The following ARSG variants were observed in gnomAD, a reference collection of about 807,000 sequenced individuals.
ARSG encodes the protein ASG.
ARSG carries 37 observed loss-of-function variants against 50.5 expected under a neutral mutation model. The ratio of observed to expected loss-of-function variants is 0.73; its 90% CI spans 0.56 to 0.96. The LOEUF (loss-of-function observed/expected upper bound fraction) is 0.96. Among genes scored for constraint, ARSG ranks in the 50% least tolerant of loss-of-function variants. ARSG has a pLI of 0.00. For synonymous variants in ARSG, 225 were observed against 254.6 expected (o/e 0.88, Z 1.11); for missense variants, 629 against 675.3 (o/e 0.93, Z 0.76).
chr17:68,437,024 G>A, the ARSG span, among the ~76,000 whole-genome samples: 5 of 142,798 alleles, frequency 3.5e-5, no homozygotes, highest in African/African-American at 1.3e-4. Context: ...ATATGTGTGT[G>A]TGTGTGTGTG....
chr17:68,266,879 GTC>G (rs1262609785), intron 1 of ARSG: 1 of 152,074 alleles, frequency 6.6e-6, no homozygotes, highest in African/African-American at 2.4e-5. Flanking sequence ...AACTTTATGT[GTC>G]TCTAGTAGAG....
chr17:68,349,875 C>G (rs1344235535), intron 4 of ARSG, among the ~76,000 whole-genome samples: 1 of 152,112 alleles, frequency 6.6e-6, no homozygotes, highest in Non-Finnish European at 1.5e-5. Flanking sequence ...GACTGAGACT[C>G]CGTCTCAAAA....
At chr17:68,350,734 G>A (rs995688620) in intron 4 of ARSG, among the ~76,000 whole-genome samples, 9 of 152,138 alleles carry the variant, frequency 5.9e-5, no homozygotes, top group African/African-American at 1.2e-4. Flanking sequence ...GCATTGAGCC[G>A]AGATTTCCCC....
chr17:68,441,548 T>C, the ARSG span, among the ~76,000 whole-genome samples: 7 of 152,228 alleles, frequency 4.6e-5, no homozygotes, highest in Middle Eastern at 0.01. Context: ...CTCTGGGGAA[T>C]GTATAATTGG....
intron 1 of ARSG, chr17:68,272,767 C>T (rs782042539): frequency 3.7e-6 from 6 of 1,613,666 alleles, no homozygotes; most frequent in Non-Finnish European, 8.5e-7. Flanking sequence ...GTATCCCAGA[C>T]CTGTGAAAGA....
chr17:68,446,903 G>A, the ARSG span, among the ~76,000 whole-genome samples: 1 of 152,170 alleles, frequency 6.6e-6, no homozygotes, highest in African/African-American at 2.4e-5. Flanking sequence ...ACTAAACGCA[G>A]AGGGAAACAG....
intron 6 of ARSG, among the ~76,000 whole-genome samples, chr17:68,359,204 C>T (rs2079173661): frequency 6.6e-6 from 1 of 152,118 alleles, no homozygotes; most frequent in Non-Finnish European, 1.5e-5. Flanking sequence ...TACCCCAAAA[C>T]CCAAAAAACA....
chr17:68,343,716 G>A lies in ARSG; in HGVS notation c.331G>A (p.Val111Met), dbSNP rs761490671. The A allele has an allele frequency of 2.5e-5, 41 of 1,614,222 alleles. No homozygotes were observed. The highest frequency in any genetic ancestry group is 3.5e-5 in the Non-Finnish European group (41 of 1,180,032). Residue 111 changes from valine (V) to methionine (M), a missense_variant, in exon 3 of 12, where the codon GTG (valine) becomes ATG (methionine). Transcript: ENST00000621439. ...CACACGCAACTTTGCAGTCACTTCT[G>A]TGGGAGGCCTTCCGCTCAACGAGAC... is the stretch of plus-strand genomic sequence containing the variant. Reference protein sequence around the residue: ...GVTRNFAVTSVGGLPLNETTL... With the variant: ...GVTRNFAVTSMGGLPLNETTL...
At chr17:68,260,063 T>G (rs1389117046) in intron 1 of ARSG, among the ~76,000 whole-genome samples, 9 of 152,192 alleles carry the variant, frequency 5.9e-5, no homozygotes, top group Non-Finnish European at 1.3e-4. Context: ...TTGCAGCTTG[T>G]TTTTTACCCT....
chr17:68,346,589 C>T (rs948768548), intron 3 of ARSG, among the ~76,000 whole-genome samples: 2 of 152,190 alleles, frequency 1.3e-5, no homozygotes, highest in African/African-American at 4.8e-5. Flanking sequence ...AGCGCATTTG[C>T]AGACCGAGGA....
chr17:68,352,789 C>T (rs530286691), intron 5 of ARSG, among the ~76,000 whole-genome samples: 3 of 152,186 alleles, frequency 2.0e-5, no homozygotes, highest in East Asian at 1.9e-4. Context: ...GGATTTCAGG[C>T]GTGAGTCACC....
At chr17:68,351,002 CG>C (rs942934840) in intron 4 of ARSG, among the ~76,000 whole-genome samples, 123 of 152,122 alleles carry the variant, frequency 8.1e-4, no homozygotes, top group African/African-American at 2.8e-3. Flanking sequence ...TCTTTCAAGG[CG>C]CATTTTGAGA....
chr17:68,443,384 A>G, the ARSG span, among the ~76,000 whole-genome samples: 1 of 152,166 alleles, frequency 6.6e-6, no homozygotes, highest in Admixed American at 6.5e-5. Context: ...ATGTGCTGCG[A>G]TTATAGGTGT....
the ARSG span, among the ~76,000 whole-genome samples, chr17:68,433,761 T>TTG: frequency 3.9e-3 from 24 of 6,090 alleles, 2 homozygotes; most frequent in South Asian, 0.01. Flanking sequence ...AGGGTCATAG[T>TTG]TTTTTTTTTT....
chr17:68,441,884 GAC>G, the ARSG span, among the ~76,000 whole-genome samples: 1 of 152,192 alleles, frequency 6.6e-6, no homozygotes, highest in Non-Finnish European at 1.5e-5. Context: ...GGTCTAAAAA[GAC>G]ACAGTTTGCT....
At chr17:68,428,886 TA>T in the ARSG span, 4 of 1,614,018 alleles carry the variant, frequency 2.5e-6, no homozygotes, top group African/African-American at 5.3e-5. Context: ...ATTGTACATA[TA>T]AAGGTGTCCA....
chr17:68,377,433 A>C (rs1156485506), intron 8 of ARSG, among the ~76,000 whole-genome samples: 1 of 152,194 alleles, frequency 6.6e-6, no homozygotes, highest in Non-Finnish European at 1.5e-5. Flanking sequence ...ATCTTTCTAC[A>C]TCGGTGGGAG....
upstream of ARSG, among the ~76,000 whole-genome samples, chr17:68,287,354 C>A (rs1207838030): frequency 6.6e-6 from 1 of 151,164 alleles, no homozygotes; most frequent in African/African-American, 2.4e-5. Context: ...GAGACAGGGT[C>A]TCCCTATGTT....
At chr17:68,309,531 C>A (rs2076761006) in intron 2 of ARSG, among the ~76,000 whole-genome samples, 1 of 152,222 alleles carries the variant, frequency 6.6e-6, no homozygotes, top group African/African-American at 2.4e-5. Context: ...TGCCACTGCA[C>A]TCCAGTGTGG....
Sources: allele counts gnomAD v4.1 joint callset (sites outside exome capture counted in the v4.1 genomes callset), GRCh38; gene constraint gnomAD v4.1.1; transcripts MANE v1.5; gene names NCBI Gene and HGNC (gene_info 2026-07-23, HGNC 2026-07-21).